GPR39: variants seen among roughly 807,000 people sequenced by gnomAD.
The protein encoded by GPR39 is zinc sensing receptor.
Under a neutral mutation model 18.4 loss-of-function variants are expected in GPR39, and 23 were observed. The observed-to-expected ratio is 1.25, with a 90% CI of 0.90 to 1.77. GPR39 has a LOEUF of 1.77. GPR39 is among the 40% of genes most tolerant of loss of function. The pLI, the probability that GPR39 is intolerant of heterozygous loss-of-function variation, is 0.00. For missense variants in GPR39, 647 were observed against 602.4 expected (o/e 1.07, Z -0.78); for synonymous variants, 280 against 257.9 (o/e 1.09, Z -0.82).
chr2:132,440,259 A>G (rs1680412341), intron 1 of GPR39, among the ~76,000 whole-genome samples: 1 of 152,176 alleles, frequency 6.6e-6, no homozygotes, highest in East Asian at 1.9e-4. Flanking sequence ...AGCAGTGGTT[A>G]ATTGCAGTGA....
chr2:132,592,431 G>C (rs1680862566), intron 1 of GPR39, among the ~76,000 whole-genome samples: 1 of 152,204 alleles, frequency 6.6e-6, no homozygotes, highest in Non-Finnish European at 1.5e-5. Flanking sequence ...TGGTTGAGCA[G>C]AGTCAGGGAG....
intron 1 of GPR39, among the ~76,000 whole-genome samples, chr2:132,567,929 T>C (rs371785794): frequency 2.0e-5 from 3 of 152,112 alleles, no homozygotes; most frequent in Middle Eastern, 3.2e-3. Context: ...GAGACATGCC[T>C]TTCACCTTCT....
chr2:132,575,650 G>A (rs1395217158), intron 1 of GPR39, among the ~76,000 whole-genome samples: 1 of 152,154 alleles, frequency 6.6e-6, no homozygotes, highest in Admixed American at 6.5e-5. Flanking sequence ...ATTCTGATAC[G>A]TGTATACTGA....
chr2:132,582,019 C>T (rs1004124540), intron 1 of GPR39, among the ~76,000 whole-genome samples: 9 of 152,104 alleles, frequency 5.9e-5, no homozygotes, highest in East Asian at 3.9e-4. Context: ...TTGGCAGTCC[C>T]AGCTGCTGCT....
At chr2:132,617,762 T>A (rs932002915) in intron 1 of GPR39, among the ~76,000 whole-genome samples, 21 of 152,230 alleles carry the variant, frequency 1.4e-4, no homozygotes, top group African/African-American at 5.1e-4. Context: ...ATTAAGGGCA[T>A]AAGTTTTGAA....
chr2:132,517,148 T>C (rs1324586746), intron 1 of GPR39, among the ~76,000 whole-genome samples: 1 of 151,800 alleles, frequency 6.6e-6, no homozygotes, highest in Admixed American at 6.6e-5. Context: ...TTTGTGTGTT[T>C]AGGGGTGTGT....
intron 1 of GPR39, chr2:132,523,618 G>C (rs1394793635): frequency 6.6e-6 from 1 of 152,158 alleles, no homozygotes; most frequent in Non-Finnish European, 1.5e-5. Flanking sequence ...ATTAAACAAG[G>C]ATATGAGGGT....
chr2:132,637,386 G>T (rs979620943), intron 1 of GPR39, among the ~76,000 whole-genome samples: 3 of 152,226 alleles, frequency 2.0e-5, no homozygotes, highest in African/African-American at 4.8e-5. Flanking sequence ...TGGCCTCAAC[G>T]TGGTGGATGG....
chr2:132,427,131 CATAT>C (rs199931479), intron 1 of GPR39, among the ~76,000 whole-genome samples: 23,689 of 79,488 alleles, frequency 0.3, 3,353 homozygotes, highest in Middle Eastern at 0.45. Flanking sequence ...TATATAGGTA[CATAT>C]ATATATATAT....
chr2:132,596,304 C>T (rs1386126188), intron 1 of GPR39, among the ~76,000 whole-genome samples: 2 of 151,996 alleles, frequency 1.3e-5, no homozygotes, highest in African/African-American at 4.8e-5. Flanking sequence ...CTCAGTGGCC[C>T]ATGTCTAGGG....
chr2:132,552,481 A>G (rs1680061561), intron 1 of GPR39, among the ~76,000 whole-genome samples: 1 of 152,104 alleles, frequency 6.6e-6, no homozygotes, highest in Non-Finnish European at 1.5e-5. Context: ...TGCCAGCTCT[A>G]TGCTTACTGT....
chr2:132,455,608 G>C (rs1052493485), intron 1 of GPR39, among the ~76,000 whole-genome samples: 33 of 152,090 alleles, frequency 2.2e-4, no homozygotes, highest in Admixed American at 2.0e-3. Flanking sequence ...GCTTTCTCTT[G>C]TGGGCATTTA....
At chr2:132,575,395 C>T (rs1204946421) in intron 1 of GPR39, among the ~76,000 whole-genome samples, 1 of 152,132 alleles carries the variant, frequency 6.6e-6, no homozygotes, top group African/African-American at 2.4e-5. Flanking sequence ...TCCCTCACAC[C>T]TTCTACCTAG....
At chr2:132,600,614 T>A (rs921471851) in intron 1 of GPR39, among the ~76,000 whole-genome samples, 1 of 151,732 alleles carries the variant, frequency 6.6e-6, no homozygotes, top group South Asian at 2.1e-4. Context: ...CTAGAGAAAA[T>A]AGATAAATTC....
At position 132,557,600 on chromosome 2, in the gene GPR39, AGAG is replaced by A. The variant is rs1680176836; in HGVS notation, c.857-87500_857-87498del. On this transcript the variant is annotated intron_variant, in intron 1 of 1. Coordinates refer to ENST00000329321, the MANE Select transcript of GPR39 (RefSeq NM_001508.3). ...TTAGCTGAAAGAAAGGATGAGAGAG[AGAG>A]AGAGAGAGAGAGAGAGACCCAAGGT... 1.3e-4 allele frequency among the ~76,000 whole-genome samples: 20 copies of A among 148,738 alleles called. No homozygotes were observed. In the South Asian group the frequency reaches 4.2e-3, roughly 31 times the overall value.
At chr2:132,587,315 T>C (rs544340469) in intron 1 of GPR39, among the ~76,000 whole-genome samples, 1 of 152,340 alleles carries the variant, frequency 6.6e-6, no homozygotes, top group African/African-American at 2.4e-5. Context: ...TGTGGCTCTT[T>C]CGCCATTTCT....
At chr2:132,493,983 A>G (rs1433622195) in intron 1 of GPR39, among the ~76,000 whole-genome samples, 1 of 152,186 alleles carries the variant, frequency 6.6e-6, no homozygotes, top group African/African-American at 2.4e-5. Flanking sequence ...AAGTATTTCC[A>G]GTGGTGATAT....
chr2:132,643,882 A>G (rs1681924495), intron 1 of GPR39, among the ~76,000 whole-genome samples: 1 of 152,216 alleles, frequency 6.6e-6, no homozygotes, highest in Admixed American at 6.5e-5. Flanking sequence ...GCCAACTGTC[A>G]CTTCCCTAGG....
chr2:132,577,118 G>A (rs554977285), intron 1 of GPR39, among the ~76,000 whole-genome samples: 1 of 152,002 alleles, frequency 6.6e-6, no homozygotes, highest in East Asian at 1.9e-4. Context: ...CACTTTGGGA[G>A]GCTGAGGTGG....
Sources: gnomAD v4.1 joint callset for allele counts (sites outside exome capture counted in the v4.1 genomes callset) on GRCh38, gnomAD v4.1.1 for gene constraint, MANE v1.5 for transcripts, NCBI Gene and HGNC (gene_info 2026-07-23, HGNC 2026-07-21) for gene names.